Variants in ZNF626 observed in about 807,000 individuals in gnomAD.
The protein encoded by ZNF626 is CTC-513N18.7.
Under a neutral mutation model 11.7 loss-of-function variants are expected in ZNF626, and 4 were observed. That is an observed-to-expected ratio of 0.34 (90% CI 0.17 to 0.78). The LOEUF is 0.78. ZNF626 is among the 30% of genes least tolerant of loss of function. The pLI is 0.57. For missense variants in ZNF626, 588 were observed against 587.1 expected (o/e 1.00, Z -0.01); for synonymous variants, 179 against 198.6 (o/e 0.90, Z 0.83).
At chr19:20,640,002 G>T (rs538370322) in intron 3 of ZNF626, among the ~76,000 whole-genome samples, 4 of 152,098 alleles carry the variant, frequency 2.6e-5, no homozygotes, top group Admixed American at 1.3e-4. Flanking sequence ...GAACAGAATG[G>T]AGAGCTCAGA....
intron 1 of ZNF626, among the ~76,000 whole-genome samples, chr19:20,652,133 G>A (rs1385403179): frequency 6.6e-6 from 1 of 151,960 alleles, no homozygotes; most frequent in Non-Finnish European, 1.5e-5. Flanking sequence ...TCCAAAGTCC[G>A]GTCCTTTTTT....
chr19:20,624,776 T>C lies in ZNF626; in HGVS notation c.1101A>G (p.Lys367=). ...TTHKRIHTGE[K]PYKCEECGKA... Reference sequence around the variant, plus strand: ...TGCCACATTCTTCACATTTGTAGGGTTTCTCTCCAGTATGAATTCTCTTAT... The same window carrying C: ...TGCCACATTCTTCACATTTGTAGGGCTTCTCTCCAGTATGAATTCTCTTAT... Residue 367 remains lysine, a synonymous_variant, in exon 4 of 4, where the codon AAA becomes AAG. Transcript: ENST00000601440. 1 of 1,613,586 alleles carries C rather than the reference T, an allele frequency of 6.2e-7. No homozygotes were observed.
chr19:20,636,289 A>G (rs1458129025), intron 3 of ZNF626, among the ~76,000 whole-genome samples: 3 of 152,208 alleles, frequency 2.0e-5, no homozygotes, highest in Non-Finnish European at 4.4e-5. Flanking sequence ...TTTCATATTT[A>G]ATTTTGCTCT....
At chr19:20,659,754 T>C (rs1970244065) in intron 1 of ZNF626, among the ~76,000 whole-genome samples, 1 of 152,080 alleles carries the variant, frequency 6.6e-6, no homozygotes. Context: ...ATTCTTATTT[T>C]AGAAAGCGTA....
chr19:20,643,790 C>A (rs1183334007), intron 3 of ZNF626, among the ~76,000 whole-genome samples: 1 of 152,126 alleles, frequency 6.6e-6, no homozygotes, highest in Non-Finnish European at 1.5e-5. Flanking sequence ...ATTTTGAGAC[C>A]AGCCTTGGTT....
rs58402205 is a variant in ZNF626 at position 20,623,800 on chromosome 19, CAAAAA to C, written c.*485_*489del. The C allele has an allele frequency of 8.0e-4, 159 of 199,806 alleles. No individual in the cohort carries two copies. The highest frequency in any genetic ancestry group is 1.0e-3 in the Non-Finnish European group (110 of 104,938). 12.4% of individuals were successfully genotyped at this position (199,806 alleles called of 1,614,324 possible). ...GGTGACAAGAGTTGAAACTCCATCT[CAAAAA>C]AAAAAAAAAAAAGACAGAACTTGTT... On this transcript the variant is annotated 3_prime_UTR_variant, in exon 4 of 4. Transcript: ENST00000601440.
rs187292121 is a variant in ZNF626 at position 20,625,320 on chromosome 19, G to C, written c.557C>G (p.Ser186Ter). 2.3e-5 allele frequency: 37 copies of C among 1,613,638 alleles called. No homozygotes were observed. The African/African-American group carries it at 4.7e-4, about 20-fold the overall frequency. The change falls in exon 4 of 4, where the codon TCA becomes TGA. Residue 186 changes from serine to a stop codon, truncating the protein, a stop_gained. Coordinates refer to ENST00000601440, the MANE Select transcript of ZNF626 (RefSeq NM_001076675.3). LOFTEE classifies it low-confidence loss of function (END_TRUNC). ...AATTTTCTTATGTGTAGTAAGAGTT[G>C]AGAACTGCTTAAAAGCTTTGCCACA... ...IECGKAFKQF[S>*]TLTTHKKIHT...
At chr19:20,630,510 G>C (rs1427468886) in intron 3 of ZNF626, among the ~76,000 whole-genome samples, 1 of 152,272 alleles carries the variant, frequency 6.6e-6, no homozygotes, top group African/African-American at 2.4e-5. Flanking sequence ...AGTCTTGGGA[G>C]GATGTATGTG....
intron 1 of ZNF626, among the ~76,000 whole-genome samples, chr19:20,654,475 G>A (rs782724403): frequency 6.6e-6 from 1 of 151,854 alleles, no homozygotes; most frequent in Non-Finnish European, 1.5e-5. Flanking sequence ...TTGGGAGGCT[G>A]AGGTGGGCGG....
chr19:20,626,515 T>C (rs1555769744), intron 3 of ZNF626, among the ~76,000 whole-genome samples: 1 of 152,092 alleles, frequency 6.6e-6, no homozygotes, highest in East Asian at 1.9e-4. Context: ...GGTGAGAATT[T>C]GAGACCAGCC....
At chr19:20,660,424 T>G (rs890515529) in intron 1 of ZNF626, among the ~76,000 whole-genome samples, 5 of 152,024 alleles carry the variant, frequency 3.3e-5, no homozygotes, top group Non-Finnish European at 5.9e-5. Context: ...TTAAGATGCT[T>G]ACTTTTTTTT....
intron 3 of ZNF626, chr19:20,645,412 G>GGACT (rs782780782): frequency 4.9e-5 from 79 of 1,611,352 alleles, no homozygotes; most frequent in Non-Finnish European, 6.4e-5. Context: ...GTCATGAAGA[G>GGACT]GACTTTGGCT....
rs189284545 is a variant in ZNF626, at chr19:20,643,047, A to G, written c.226+2637T>C. ...AAAAAAATTTGTTGAAGTAACTGCA[A>G]TCTTTAACTAGTATTATGTACTCAT... On this transcript the variant is annotated intron_variant, in intron 3 of 3. Coordinates refer to ENST00000601440, the MANE Select transcript of ZNF626 (RefSeq NM_001076675.3). Among the ~76,000 whole-genome samples, 253 of 152,184 alleles carry G rather than the reference A, an allele frequency of 1.7e-3. 1 individual carries two copies. Among genetic ancestry groups the G allele is most frequent in the Non-Finnish European group, 2.5e-3 (167 of 68,008 alleles).
chr19:20,621,486 C>T lies in ZNF626; in HGVS notation c.*2804G>A, dbSNP rs1045923369. ...ATAAAAATCACCCTGTAGTCAATTA[C>T]AATTTAATTGGACATTTAAAAGTAA... is the stretch of plus-strand genomic sequence containing the variant. On this transcript the variant is annotated 3_prime_UTR_variant, in exon 4 of 4. Transcript: ENST00000601440. 9.9e-5 allele frequency: 15 copies of T among 152,070 alleles called. No individual in the cohort carries two copies. Among genetic ancestry groups the T allele is most frequent in the Non-Finnish European group, 2.1e-4 (14 of 68,016 alleles). 9.4% of individuals were successfully genotyped at this position (152,070 alleles called of 1,614,324 possible).
intron 3 of ZNF626, among the ~76,000 whole-genome samples, chr19:20,630,615 C>G (rs7248371): frequency 0.45 from 67,602 of 150,884 alleles, 16,242 homozygotes; most frequent in African/African-American, 0.63. Context: ...TCTGTGGGAT[C>G]GGTGGTGATA....
chr19:20,652,299 G>GAAAA (rs3078663), intron 1 of ZNF626, among the ~76,000 whole-genome samples: 3 of 136,814 alleles, frequency 2.2e-5, no homozygotes, highest in Non-Finnish European at 3.2e-5. Flanking sequence ...AAGTCTACAT[G>GAAAA]AAAAAAAAAA....
At position 20,621,656 on chromosome 19, in the gene ZNF626, C is replaced by T. The variant is rs1969759560; in HGVS notation, c.*2634G>A. ...AAGACATATATACACATACTATATA[C>T]TCACAGATAGTAATAATAAATTAAG... is the stretch of plus-strand genomic sequence containing the variant. On this transcript the variant is annotated 3_prime_UTR_variant, in exon 4 of 4. Transcript: ENST00000601440. The T allele has an allele frequency of 6.6e-6, 1 of 152,088 alleles. No homozygotes were observed. Among genetic ancestry groups the T allele is most frequent in the African/African-American group, 2.4e-5 (1 of 41,416 alleles). The allele number at this position is 152,088 out of a possible 1,614,324, so 9.4% of individuals were successfully genotyped here.
intron 3 of ZNF626, among the ~76,000 whole-genome samples, chr19:20,638,624 A>G: frequency 6.6e-6 from 1 of 151,990 alleles, no homozygotes; most frequent in East Asian, 1.9e-4. Context: ...TGGGGTAGTC[A>G]TAATTAGACA....
At chr19:20,652,415 T>C (rs1970157085) in intron 1 of ZNF626, among the ~76,000 whole-genome samples, 1 of 152,180 alleles carries the variant, frequency 6.6e-6, no homozygotes. Flanking sequence ...ATCTACACTT[T>C]GAGTAGCAGC....
Sources: allele counts gnomAD v4.1 joint callset (sites outside exome capture counted in the v4.1 genomes callset), GRCh38; gene constraint gnomAD v4.1.1; transcripts MANE v1.5; gene names NCBI Gene and HGNC (gene_info 2026-07-23, HGNC 2026-07-21).